Variants in GPR158 observed in about 807,000 individuals in gnomAD.
GPR158 encodes the protein metabotropic glycine receptor.
A neutral mutation model predicts 78.2 loss-of-function variants in GPR158; 30 were observed. The ratio of observed to expected loss-of-function variants is 0.38; its 90% CI spans 0.29 to 0.52. The LOEUF is 0.52. GPR158 is among the 20% of genes least tolerant of loss of function. GPR158 has a pLI of 0.83. For missense variants in GPR158, 1,463 were observed against 1,523.5 expected, an observed-to-expected ratio of 0.96 and a Z score of 0.66; for synonymous variants, 581 against 591.1, an observed-to-expected ratio of 0.98 and a Z score of 0.25.
chr10:25,406,274 A>G (rs905991344), intron 3 of GPR158, among the ~76,000 whole-genome samples: 1 of 152,146 alleles, frequency 6.6e-6, no homozygotes, highest in East Asian at 1.9e-4. Context: ...TTGCTGCATA[A>G]ATATTCCAGC....
intron 2 of GPR158, among the ~76,000 whole-genome samples, chr10:25,285,467 A>G (rs1854338220): frequency 6.6e-6 from 1 of 152,176 alleles, no homozygotes; most frequent in African/African-American, 2.4e-5. Context: ...CCTCAGAACC[A>G]GGGAAGCCAA....
intron 5 of GPR158, among the ~76,000 whole-genome samples, chr10:25,527,864 A>G (rs532351056): frequency 6.6e-6 from 1 of 152,270 alleles, no homozygotes; most frequent in African/African-American, 2.4e-5. Context: ...AAATATTGCT[A>G]GAGATCCTGC....
In GPR158 at chr10:25,240,893, A is replaced by G. The variant is rs551866916; in HGVS notation, c.1008+19736A>G. Reference sequence around the variant, plus strand: ...GAAGATGCCCAACTGATTTGGACCAACTTTCTTAATAGTTTATTTACCTAT... The same window carrying G: ...GAAGATGCCCAACTGATTTGGACCAGCTTTCTTAATAGTTTATTTACCTAT... On this transcript the variant is annotated intron_variant, in intron 2 of 10. Coordinates refer to ENST00000376351, the MANE Select transcript of GPR158 (RefSeq NM_020752.3). Among the ~76,000 whole-genome samples the G allele has an allele frequency of 1.9e-4, 29 of 152,306 alleles. No individual in the cohort carries two copies. The South Asian group carries it at 6.0e-3, about 32-fold the overall frequency.
chr10:25,521,381 G>A (rs1311912487), intron 5 of GPR158, among the ~76,000 whole-genome samples: 2 of 152,166 alleles, frequency 1.3e-5, no homozygotes, highest in African/African-American at 4.8e-5. Context: ...GGCCATCTTG[G>A]CTCCTCCCTC....
At chr10:25,397,987 G>A (rs2130531636) in intron 3 of GPR158, among the ~76,000 whole-genome samples, 1 of 152,206 alleles carries the variant, frequency 6.6e-6, no homozygotes, top group East Asian at 1.9e-4. Flanking sequence ...TGGGGCTTGA[G>A]AGCAGCCTCT....
At chr10:25,552,396 A>G (rs1042799584) in intron 6 of GPR158, among the ~76,000 whole-genome samples, 4 of 152,288 alleles carry the variant, frequency 2.6e-5, no homozygotes, top group African/African-American at 4.8e-5. Context: ...GGAGAAATCA[A>G]TGACAGCCCA....
At chr10:25,195,846 G>A (rs955196294) in intron 1 of GPR158, among the ~76,000 whole-genome samples, 2 of 152,040 alleles carry the variant, frequency 1.3e-5, no homozygotes, top group Non-Finnish European at 2.9e-5. Context: ...CAGAAGTATA[G>A]GTTCAAAGTC....
chr10:25,430,988 C>T (rs1834894924), intron 4 of GPR158, among the ~76,000 whole-genome samples: 2 of 145,016 alleles, frequency 1.4e-5, no homozygotes, highest in Admixed American at 6.9e-5. Context: ...AAAGCAATGG[C>T]AACAAAAGCC....
rs74488914 is a variant in GPR158, at chr10:25,412,171, G to A, written c.1112-79G>A. On this transcript the variant is annotated intron_variant, in intron 3 of 10. Transcript: ENST00000376351. ...AGTGAGAAAAGGAATGAGGAGTCACGGATGTCTTTTGACTCTATACTCAAT... is the reference window on the plus strand; with the variant it reads ...AGTGAGAAAAGGAATGAGGAGTCACAGATGTCTTTTGACTCTATACTCAAT... 4.0e-4 allele frequency: 372 copies of A among 920,474 alleles called. 4 individuals carry two copies. The East Asian group carries it at 8.1e-3, about 20-fold the overall frequency. The allele number at this position is 920,474 out of a possible 1,614,324, so 57.0% of individuals were successfully genotyped here.
At chr10:25,462,984 G>T (rs1464444673) in intron 4 of GPR158, among the ~76,000 whole-genome samples, 1 of 152,174 alleles carries the variant, frequency 6.6e-6, no homozygotes, top group South Asian at 2.1e-4. Flanking sequence ...CTATCAAACA[G>T]CATCACATGC....
chr10:25,429,246 A>G (rs775112729), intron 4 of GPR158, among the ~76,000 whole-genome samples: 7 of 152,110 alleles, frequency 4.6e-5, no homozygotes, highest in Non-Finnish European at 1.0e-4. Context: ...TGAATTTCAA[A>G]TAAAATGTAG....
At chr10:25,293,424 T>G (rs908374644) in intron 2 of GPR158, among the ~76,000 whole-genome samples, 2 of 152,202 alleles carry the variant, frequency 1.3e-5, no homozygotes, top group Non-Finnish European at 2.9e-5. Flanking sequence ...TGAATCCTTG[T>G]TTAGAAGATT....
rs559793633 is a variant in GPR158, at chr10:25,346,114, A to G, written c.1009-49797A>G. ...GTGGACTTAGCAAGGCTGCTCTTAT[A>G]TATCTCATATATAATGAGAATTTCC... On this transcript the variant is annotated intron_variant, in intron 2 of 10. Transcript: ENST00000376351. Among the ~76,000 whole-genome samples the G allele has an allele frequency of 4.7e-4, 71 of 152,078 alleles. 2 individuals carry two copies. The South Asian group carries it at 0.014, about 29-fold the overall frequency.
At chr10:25,481,273 A>C (rs1835660890) in intron 5 of GPR158, among the ~76,000 whole-genome samples, 2 of 152,124 alleles carry the variant, frequency 1.3e-5, no homozygotes, top group South Asian at 4.1e-4. Flanking sequence ...GCAAGCAGGC[A>C]TGCATTCCGC....
At chr10:25,577,185 C>G (rs542615498) in intron 7 of GPR158, among the ~76,000 whole-genome samples, 6 of 152,228 alleles carry the variant, frequency 3.9e-5, no homozygotes, top group Non-Finnish European at 7.4e-5. Flanking sequence ...TTTACAGTCT[C>G]TTTATAGAGC....
intron 2 of GPR158, among the ~76,000 whole-genome samples, chr10:25,383,011 A>G (rs1043438771): frequency 2.0e-4 from 31 of 151,796 alleles, no homozygotes; most frequent in African/African-American, 7.5e-4. Context: ...TATTTTTGGT[A>G]TTTTTAGTAG....
chr10:25,364,184 A>G (rs1855684381), intron 2 of GPR158, among the ~76,000 whole-genome samples: 3 of 151,924 alleles, frequency 2.0e-5, no homozygotes, highest in Non-Finnish European at 2.9e-5. Flanking sequence ...TGCTATTAAT[A>G]TAGCTGGGAC....
intron 1 of GPR158, among the ~76,000 whole-genome samples, chr10:25,201,125 C>T (rs1852922148): frequency 6.6e-6 from 1 of 151,968 alleles, no homozygotes; most frequent in African/African-American, 2.4e-5. Flanking sequence ...ATTGATTCTT[C>T]CTATCCATGA....
chr10:25,239,633 A>G (rs4749015), intron 2 of GPR158, among the ~76,000 whole-genome samples: 17,978 of 151,546 alleles, frequency 0.12, 1,296 homozygotes, highest in East Asian at 0.3. Flanking sequence ...GTTATCACCA[A>G]GTTTTCCTGG....
Sources: allele counts gnomAD v4.1 joint callset (sites outside exome capture counted in the v4.1 genomes callset), GRCh38; gene constraint gnomAD v4.1.1; transcripts MANE v1.5; gene names NCBI Gene and HGNC (gene_info 2026-07-23, HGNC 2026-07-21).